The following ZNF385B variants were observed in gnomAD, a reference collection of about 807,000 sequenced individuals.
The protein encoded by ZNF385B is zinc finger protein 533.
A neutral mutation model predicts 39.2 loss-of-function variants in ZNF385B; 23 were observed. The observed-to-expected ratio is 0.59, with a 90% CI of 0.42 to 0.83. The LOEUF (loss-of-function observed/expected upper bound fraction) is 0.83. ZNF385B is among the 40% of genes least tolerant of loss of function. The pLI is 0.00. For missense variants in ZNF385B, 552 were observed against 598.9 expected (o/e 0.92, Z 0.82); for synonymous variants, 205 against 222.6 (o/e 0.92, Z 0.70).
intron 6 of ZNF385B, among the ~76,000 whole-genome samples, chr2:179,475,319 C>T (rs987209505): frequency 1.1e-4 from 17 of 149,574 alleles, no homozygotes; most frequent in African/African-American, 2.0e-4. Context: ...GGTGCGAACT[C>T]GGCTCACTGC....
chr2:179,585,039 G>A (rs1686943112), intron 3 of ZNF385B, among the ~76,000 whole-genome samples: 1 of 152,102 alleles, frequency 6.6e-6, no homozygotes, highest in Admixed American at 6.5e-5. Flanking sequence ...TTGGAAATTA[G>A]GAAGACATTG....
intron 1 of ZNF385B, among the ~76,000 whole-genome samples, chr2:179,787,299 T>C (rs939647925): frequency 3.3e-5 from 5 of 151,972 alleles, no homozygotes; most frequent in African/African-American, 1.2e-4. Context: ...CTTAGAAAAA[T>C]TGTTCCCTGC....
intron 3 of ZNF385B, among the ~76,000 whole-genome samples, chr2:179,690,187 G>A (rs1278399096): frequency 6.6e-6 from 1 of 152,162 alleles, no homozygotes; most frequent in African/African-American, 2.4e-5. Flanking sequence ...CAGAGGGAGT[G>A]TGTCGCCTTC....
intron 3 of ZNF385B, among the ~76,000 whole-genome samples, chr2:179,580,324 C>G (rs1479363295): frequency 6.6e-6 from 1 of 152,140 alleles, no homozygotes; most frequent in African/African-American, 2.4e-5. Context: ...TAGGAAGCCA[C>G]TAACGTAATC....
chr2:179,538,001 A>G (rs1039063494), intron 4 of ZNF385B, among the ~76,000 whole-genome samples: 14 of 152,122 alleles, frequency 9.2e-5, no homozygotes, highest in Non-Finnish European at 1.9e-4. Flanking sequence ...ATCTTGGCAT[A>G]TTTTAGTTCT....
At chr2:179,628,069 GC>G (rs1244871435) in intron 3 of ZNF385B, among the ~76,000 whole-genome samples, 1 of 152,000 alleles carries the variant, frequency 6.6e-6, no homozygotes, top group Non-Finnish European at 1.5e-5. Flanking sequence ...TTATTTTCAA[GC>G]AAATCTCAGA....
chr2:179,667,687 C>T (rs1695350496), intron 3 of ZNF385B, among the ~76,000 whole-genome samples: 2 of 152,124 alleles, frequency 1.3e-5, no homozygotes, highest in South Asian at 4.1e-4. Context: ...CTCTGAACAG[C>T]TTCATTGGCA....
At chr2:179,728,794 A>G (rs1701186186) in intron 3 of ZNF385B, among the ~76,000 whole-genome samples, 1 of 152,138 alleles carries the variant, frequency 6.6e-6, no homozygotes, top group Non-Finnish European at 1.5e-5. Context: ...ATGGGAAAAT[A>G]TTCCTCAGAA....
intron 3 of ZNF385B, among the ~76,000 whole-genome samples, chr2:179,638,884 T>C (rs1692000606): frequency 6.6e-6 from 1 of 151,940 alleles, no homozygotes; most frequent in Admixed American, 6.6e-5. Context: ...ACAATTTGAG[T>C]ATCAAAATGA....
chr2:179,717,447 G>C (rs1700402015), intron 3 of ZNF385B, among the ~76,000 whole-genome samples: 1 of 152,192 alleles, frequency 6.6e-6, no homozygotes, highest in Non-Finnish European at 1.5e-5. Flanking sequence ...GAATAAGAAA[G>C]TATGGCTGGG....
intron 3 of ZNF385B, among the ~76,000 whole-genome samples, chr2:179,567,591 T>C (rs1307444077): frequency 6.6e-6 from 1 of 152,204 alleles, no homozygotes; most frequent in Non-Finnish European, 1.5e-5. Context: ...TTTCATTCAC[T>C]AATGTATCCT....
rs114246914 is a variant in ZNF385B, at chr2:179,732,182, G to C, written c.298+37321C>G. Among the ~76,000 whole-genome samples, 502 of 152,284 alleles carry C rather than the reference G, an allele frequency of 3.3e-3. 4 individuals are homozygous for C. The highest frequency in any genetic ancestry group is 0.011 in the African/African-American group (457 of 41,574). Reference sequence around the variant, plus strand: ...TGTCATTTTTCATGAGGCAAAGAAAGATGGAAATTCACAGAATTTTAGAAT... The same window carrying C: ...TGTCATTTTTCATGAGGCAAAGAAACATGGAAATTCACAGAATTTTAGAAT... On this transcript the variant is annotated intron_variant, in intron 3 of 9. Transcript: ENST00000410066.
At chr2:179,717,748 A>T (rs958728863) in intron 3 of ZNF385B, among the ~76,000 whole-genome samples, 2 of 151,986 alleles carry the variant, frequency 1.3e-5, no homozygotes, top group African/African-American at 2.4e-5. Flanking sequence ...ACAAACAAAA[A>T]CCTTCTCATG....
At chr2:179,636,287 A>T (rs968013542) in intron 3 of ZNF385B, among the ~76,000 whole-genome samples, 13 of 152,128 alleles carry the variant, frequency 8.5e-5, no homozygotes, top group African/African-American at 2.9e-4. Flanking sequence ...TTGCTGGGAG[A>T]GTCAGCTGAG....
chr2:179,859,067 A>G (rs1215118237), intron 1 of ZNF385B, among the ~76,000 whole-genome samples: 1 of 152,104 alleles, frequency 6.6e-6, no homozygotes, highest in Non-Finnish European at 1.5e-5. Flanking sequence ...TTTTCTCTGA[A>G]TCAGGTCACT....
At position 179,471,540 on chromosome 2, in the gene ZNF385B, G is replaced by A. The variant is rs2052771505; in HGVS notation, c.715+11732C>T. Among the ~76,000 whole-genome samples the A allele has an allele frequency of 3.3e-5, 5 of 152,234 alleles. No individual in the cohort carries two copies. In the South Asian group the frequency reaches 1.0e-3, roughly 32 times the overall value. On this transcript the variant is annotated intron_variant, in intron 6 of 9. Coordinates refer to ENST00000410066, the MANE Select transcript of ZNF385B (RefSeq NM_152520.6). ...AACTATAGTAGTCCTAGCAGTACCT[G>A]TAACTTTGTCACCAACACAAATCAG...
rs1210387532 is a variant in ZNF385B at position 179,769,642 on chromosome 2, C to T, written c.159G>A (p.Val53=). 15 of 1,614,070 alleles carry T rather than the reference C, an allele frequency of 9.3e-6. No individual in the cohort carries two copies. The highest frequency in any genetic ancestry group is 1.3e-5 in the Non-Finnish European group (15 of 1,180,046). ...KKKILFSFCE[V]CNIQLNSAAQ... ...CTGCAGAGTTCAGCTGGATGTTGCACACCTCACAGAAGGAGAAAAGAATTT... is the reference window on the plus strand; with the variant it reads ...CTGCAGAGTTCAGCTGGATGTTGCATACCTCACAGAAGGAGAAAAGAATTT... The change falls in exon 3 of 10, where the codon GTG becomes GTA. Residue 53 remains valine (V), a synonymous_variant. Transcript: ENST00000410066.
chr2:179,500,678 T>G (rs2138877), intron 5 of ZNF385B, among the ~76,000 whole-genome samples: 1 of 152,012 alleles, frequency 6.6e-6, no homozygotes, highest in Admixed American at 6.6e-5. Flanking sequence ...CTCCAGGACA[T>G]TGGTCTTGGC....
At chr2:179,810,898 C>T (rs571843315) in intron 1 of ZNF385B, among the ~76,000 whole-genome samples, 1 of 151,940 alleles carries the variant, frequency 6.6e-6, no homozygotes, top group Non-Finnish European at 1.5e-5. Context: ...TGATTTTATA[C>T]CTAGAAAACC....
Sources: allele counts gnomAD v4.1 joint callset (sites outside exome capture counted in the v4.1 genomes callset), GRCh38; gene constraint gnomAD v4.1.1; transcripts MANE v1.5; gene names NCBI Gene and HGNC (gene_info 2026-07-23, HGNC 2026-07-21).